The following PPP1R36 variants were observed in gnomAD, a reference collection of about 807,000 sequenced individuals.
The protein encoded by PPP1R36 is chromosome 14 open reading frame 50.
In PPP1R36, 47 loss-of-function variants were observed where a neutral mutation model predicts 53.4. That is an observed-to-expected ratio of 0.88 (90% confidence interval 0.70 to 1.12). The LOEUF is 1.12. Among genes scored for constraint, PPP1R36 ranks in the 50% most tolerant of loss-of-function variants. PPP1R36 has a pLI of 0.00. For missense variants in PPP1R36, 456 were observed against 513.9 expected, an observed-to-expected ratio of 0.89 and a Z score of 1.09; for synonymous variants, 153 against 170.5, an observed-to-expected ratio of 0.90 and a Z score of 0.80.
At chr14:64,575,100 T>G (rs1233682778) in intron 8 of PPP1R36, among the ~76,000 whole-genome samples, 1 of 151,990 alleles carries the variant, frequency 6.6e-6, no homozygotes, top group Non-Finnish European at 1.5e-5. Flanking sequence ...TAAAGAGGAG[T>G]CTCATCACAG....
chr14:64,567,381 C>T (rs1229139165), intron 6 of PPP1R36, among the ~76,000 whole-genome samples: 1 of 152,032 alleles, frequency 6.6e-6, no homozygotes, highest in Non-Finnish European at 1.5e-5. Context: ...AACCAAATAC[C>T]CACAATAGAA....
intron 4 of PPP1R36, 78 bp downstream of exon 4, chr14:64,564,915 A>G: frequency 1.1e-6 from 1 of 898,558 alleles, no homozygotes; most frequent in Non-Finnish European, 1.7e-6. Context: ...ACAAACTACG[A>G]AAATACCATT....
chr14:64,579,409 A>G (rs2080368623), intron 8 of PPP1R36, among the ~76,000 whole-genome samples: 1 of 152,234 alleles, frequency 6.6e-6, no homozygotes, highest in African/African-American at 2.4e-5. Flanking sequence ...TTCAGCATCA[A>G]AAATACCTTC....
At position 64,553,838 on chromosome 14, in the gene PPP1R36, A is replaced by C. The variant is rs535063036; in HGVS notation, c.182+977A>C. Among the ~76,000 whole-genome samples the C allele has an allele frequency of 9.3e-5, 14 of 151,092 alleles. No individual in the cohort carries two copies. In the South Asian group the frequency reaches 2.7e-3, roughly 29 times the overall value. On this transcript the variant is annotated intron_variant, in intron 3 of 11. Transcript: ENST00000298705. ...AAGTTATAACTAAAAAAAAAAAAAA[A>C]AAACAACAACTCCAAACCCCGGACT...
At chr14:64,557,938 G>A (rs1211553443) in intron 3 of PPP1R36, among the ~76,000 whole-genome samples, 1 of 152,214 alleles carries the variant, frequency 6.6e-6, no homozygotes, top group African/African-American at 2.4e-5. Context: ...GAACCCAGGC[G>A]GCAGAGGTTG....
At chr14:64,550,190 C>G in intron 1 of PPP1R36, 124 bp downstream of exon 1, 1 of 1,429,860 alleles carries the variant, frequency 7.0e-7, no homozygotes, top group Non-Finnish European at 9.2e-7. Context: ...CCCGGGCTGG[C>G]GGTTCTCAAA....
chr14:64,562,308 A>G (rs2080211694), intron 3 of PPP1R36, among the ~76,000 whole-genome samples: 1 of 152,130 alleles, frequency 6.6e-6, no homozygotes, highest in Non-Finnish European at 1.5e-5. Context: ...TAAAAATACA[A>G]AAATTAGCAG....
chr14:64,550,366 G>A (rs960835106), intron 1 of PPP1R36: 68 of 976,000 alleles, frequency 7.0e-5, no homozygotes, highest in Middle Eastern at 3.9e-4. Context: ...TGCGGGGGAA[G>A]CAGCCCCGCT....
chr14:64,555,879 C>G (rs959992627), intron 3 of PPP1R36, among the ~76,000 whole-genome samples: 1 of 152,110 alleles, frequency 6.6e-6, no homozygotes, highest in Non-Finnish European at 1.5e-5. Context: ...ACTCTCTTAA[C>G]ATTTTGCATT....
chr14:64,572,442 T>C (rs1406275355), intron 7 of PPP1R36, among the ~76,000 whole-genome samples: 1 of 152,198 alleles, frequency 6.6e-6, no homozygotes, highest in Non-Finnish European at 1.5e-5. Flanking sequence ...GACACAGAAA[T>C]GTGGTGCAAA....
intron 8 of PPP1R36, among the ~76,000 whole-genome samples, chr14:64,578,030 T>C (rs1299469596): frequency 1.3e-5 from 2 of 151,078 alleles, no homozygotes; most frequent in African/African-American, 4.9e-5. Flanking sequence ...TGGCCTTTTT[T>C]TTTTGAGATG....
rs141935456 is a variant in PPP1R36 at position 64,587,308 on chromosome 14, C to T, written c.826C>T (p.Arg276Cys). ...LFRTNMFNIP[R>C]RRREDEESGG... Reference sequence around the variant, plus strand: ...TCGTACCAATATGTTCAACATTCCTCGCAGGAGGCGTGAAGATGAGGAATC... The same window carrying T: ...TCGTACCAATATGTTCAACATTCCTTGCAGGAGGCGTGAAGATGAGGAATC... Residue 276 changes from arginine (R) to cysteine (C), a missense_variant, in exon 10 of 12, where the codon CGC becomes TGC. Physicochemically the swap from Arg to Cys is radical, Grantham distance 180. Transcript: ENST00000298705. The T allele has an allele frequency of 1.1e-3, 1,822 of 1,613,822 alleles. 4 individuals carry two copies. Among genetic ancestry groups the T allele is most frequent in the Middle Eastern group, 3.6e-3 (22 of 6,062 alleles).
intron 2 of PPP1R36, among the ~76,000 whole-genome samples, chr14:64,551,232 C>G (rs965665551): frequency 6.6e-6 from 1 of 152,196 alleles, no homozygotes; most frequent in Admixed American, 6.5e-5. Flanking sequence ...GATGAAGAAA[C>G]TGAGGTTTCA....
chr14:64,580,167 G>A (rs1230438921), intron 8 of PPP1R36, among the ~76,000 whole-genome samples: 1 of 152,046 alleles, frequency 6.6e-6, no homozygotes, highest in African/African-American at 2.4e-5. Context: ...TGGGCATGGT[G>A]GTGCATGCCT....
At position 64,550,949 on chromosome 14, in the gene PPP1R36, A is replaced by G. The variant is rs920975450; in HGVS notation, c.98A>G (p.Tyr33Cys). Residue 33 changes from tyrosine to cysteine, a missense_variant, in exon 2 of 12, where the codon TAC becomes TGC. Tyr to Cys is a radical substitution (Grantham distance 194). Transcript: ENST00000298705. Reference sequence around the variant, plus strand: ...TTGGGATTACGATTAGGGATGTGGTACTGGAAAGATGAAACCAGAACTCTT... The same window carrying G: ...TTGGGATTACGATTAGGGATGTGGTGCTGGAAAGATGAAACCAGAACTCTT... The part of the protein sequence containing the change: ...DQLGLRLGMW[Y>C]WKDETRTLEF... 8.1e-6 allele frequency: 13 copies of G among 1,610,182 alleles called. No individual in the cohort carries two copies. The highest frequency in any genetic ancestry group is 1.1e-5 in the Non-Finnish European group (13 of 1,178,298).
At chr14:64,552,378 A>G (rs1239958300) in intron 2 of PPP1R36, among the ~76,000 whole-genome samples, 3 of 152,118 alleles carry the variant, frequency 2.0e-5, no homozygotes, top group East Asian at 1.9e-4. Context: ...AATCCCAGCT[A>G]CTTGGGAGGC....
Position 64,549,961 on chromosome 14 carries a change from A to G in PPP1R36, c.-37A>G, listed in dbSNP as rs1161419928. The G allele has an allele frequency of 2.0e-6, 3 of 1,534,342 alleles. No individual in the cohort carries two copies. The African/African-American group carries it at 4.2e-5, about 21-fold the overall frequency. On this transcript the variant is annotated 5_prime_UTR_variant, in exon 1 of 12. Coordinates refer to ENST00000298705, the MANE Select transcript of PPP1R36 (RefSeq NM_172365.3). ...CCGTGTGCAGGCGCCTGCGGGCGGT[A>G]TCCTCGGCGACGCCGTATGGCTTCC...
At position 64,586,864 on chromosome 14, in the gene PPP1R36, C is replaced by T; in HGVS notation, c.696C>T (p.Asp232=). The part of the protein sequence containing the change: ...GKEKISDTQK[D]WKFFESFYTF... Reference sequence around the variant, plus strand: ...AGAAAATATCAGATACACAGAAAGACTGGAAGTTCTTTGAGGTGAGTCACT... The same window carrying T: ...AGAAAATATCAGATACACAGAAAGATTGGAAGTTCTTTGAGGTGAGTCACT... Residue 232 remains aspartate (D), a synonymous_variant, in exon 9 of 12, where the codon GAC becomes GAT. Transcript: ENST00000298705. The T allele has an allele frequency of 6.2e-7, 1 of 1,612,216 alleles. No homozygotes were observed. The highest frequency in any genetic ancestry group is 8.5e-7 in the Non-Finnish European group (1 of 1,178,548).
intron 8 of PPP1R36, among the ~76,000 whole-genome samples, chr14:64,576,473 A>AT (rs2080342783): frequency 6.6e-6 from 1 of 152,202 alleles, no homozygotes; most frequent in Admixed American, 6.5e-5. Flanking sequence ...TTGGCTATTC[A>AT]TAAGGATCGT....
Sources: allele counts gnomAD v4.1 joint callset (sites outside exome capture counted in the v4.1 genomes callset), GRCh38; gene constraint gnomAD v4.1.1; transcripts MANE v1.5; gene names NCBI Gene and HGNC (gene_info 2026-07-23, HGNC 2026-07-21).